The following DCC variants were observed in gnomAD, a reference collection of about 807,000 sequenced individuals.
The protein encoded by DCC is netrin receptor DCC.
DCC carries 58 observed loss-of-function variants against 172.5 expected under a neutral mutation model. That is an observed-to-expected ratio of 0.34 (90% CI 0.27 to 0.42). The LOEUF is 0.42. Among genes scored for constraint, DCC ranks in the 10% least tolerant of loss-of-function variants. The pLI, the probability that DCC is intolerant of heterozygous loss-of-function variation, is 1.00. For missense variants in DCC, 1,740 were observed against 1,791.0 expected, an observed-to-expected ratio of 0.97 and a Z score of 0.51; for synonymous variants, 709 against 644.5, an observed-to-expected ratio of 1.10 and a Z score of -1.52.
At chr18:52,929,786 A>G (rs1035206383) in intron 5 of DCC, among the ~76,000 whole-genome samples, 1 of 151,588 alleles carries the variant, frequency 6.6e-6, no homozygotes, top group African/African-American at 2.4e-5. Flanking sequence ...TTATGCTAAC[A>G]TACACATAAT....
At position 52,752,085 on chromosome 18, in the gene DCC, C is replaced by T; in HGVS notation, c.123C>T (p.Arg41=). The change falls in exon 2 of 29, where the codon CGC becomes CGT. Residue 41 remains arginine (R), a synonymous_variant. Transcript: ENST00000442544. ...AAATTAAAGCTTTCACAGCACTGCGCTTCCTCTCAGAACCTTCTGATGCCG... is the reference window on the plus strand; with the variant it reads ...AAATTAAAGCTTTCACAGCACTGCGTTTCCTCTCAGAACCTTCTGATGCCG... ...GFQIKAFTAL[R]FLSEPSDAVT... 6.2e-7 allele frequency: 1 copy of T among 1,614,164 alleles called. No homozygotes were observed. Among genetic ancestry groups the T allele is most frequent in the African/African-American group, 1.3e-5 (1 of 75,044 alleles).
At chr18:53,379,468 C>G (rs1907555399) in intron 15 of DCC, among the ~76,000 whole-genome samples, 1 of 152,208 alleles carries the variant, frequency 6.6e-6, no homozygotes, top group Non-Finnish European at 1.5e-5. Context: ...TGGTCTAGCC[C>G]TGAAGAGCTG....
chr18:53,003,557 T>C (rs1335094256), intron 5 of DCC, among the ~76,000 whole-genome samples: 2 of 152,138 alleles, frequency 1.3e-5, no homozygotes, highest in African/African-American at 2.4e-5. Flanking sequence ...TGCTTGGAGA[T>C]GGTCCCCTTT....
chr18:53,201,022 G>T (rs2144537668), intron 9 of DCC, among the ~76,000 whole-genome samples: 1 of 152,098 alleles, frequency 6.6e-6, no homozygotes, highest in African/African-American at 2.4e-5. Flanking sequence ...CTTCTCCTTT[G>T]CCCCTTGAAA....
At chr18:53,313,386 C>T (rs1220184496) in intron 13 of DCC, among the ~76,000 whole-genome samples, 1 of 152,098 alleles carries the variant, frequency 6.6e-6, no homozygotes, top group Non-Finnish European at 1.5e-5. Flanking sequence ...GCTGGGATTA[C>T]AGACGTGCGT....
chr18:53,447,375 T>C (rs1912679644), intron 22 of DCC, among the ~76,000 whole-genome samples: 1 of 152,176 alleles, frequency 6.6e-6, no homozygotes, highest in Admixed American at 6.5e-5. Flanking sequence ...GTGGGAACTT[T>C]TATGAGGAAG....
chr18:52,583,858 A>C (rs1174011160), intron 1 of DCC, among the ~76,000 whole-genome samples: 1 of 152,202 alleles, frequency 6.6e-6, no homozygotes, highest in Non-Finnish European at 1.5e-5. Context: ...TTATATAGCA[A>C]TGTCCCATTT....
intron 1 of DCC, among the ~76,000 whole-genome samples, chr18:52,385,272 T>TTTTA (rs1345553123): frequency 1.3e-5 from 2 of 152,182 alleles, no homozygotes; most frequent in African/African-American, 4.8e-5. Flanking sequence ...ACATTTTTAT[T>TTTTA]TTTATTTATT....
At chr18:53,095,580 C>A (rs527878411) in intron 7 of DCC, among the ~76,000 whole-genome samples, 2 of 152,236 alleles carry the variant, frequency 1.3e-5, no homozygotes, top group Admixed American at 1.3e-4. Flanking sequence ...TGGCTCATGG[C>A]CCCTTCCTTA....
At chr18:52,947,988 T>C (rs2040575402) in intron 5 of DCC, among the ~76,000 whole-genome samples, 1 of 152,148 alleles carries the variant, frequency 6.6e-6, no homozygotes. Context: ...TAGAAAGGCA[T>C]CTAACCATTT....
At chr18:52,917,074 A>T (rs2040051820) in intron 3 of DCC, among the ~76,000 whole-genome samples, 1 of 147,832 alleles carries the variant, frequency 6.8e-6, no homozygotes. Context: ...CTTGAGCTCA[A>T]GAGTTTGAGA....
chr18:53,140,670 G>C (rs2043816747), intron 7 of DCC, among the ~76,000 whole-genome samples: 1 of 152,084 alleles, frequency 6.6e-6, no homozygotes, highest in Admixed American at 6.6e-5. Flanking sequence ...AGGGAAACTA[G>C]TAATCAAGAG....
Position 52,726,864 on chromosome 18 carries a change from G to A in DCC, c.92-25190G>A, listed in dbSNP as rs1599052019. Among the ~76,000 whole-genome samples the A allele has an allele frequency of 2.0e-5, 3 of 152,180 alleles. 1 individual carries two copies. In the South Asian group the frequency reaches 6.2e-4, roughly 32 times the overall value. On this transcript the variant is annotated intron_variant, in intron 1 of 28. Transcript: ENST00000442544. ...ATGTATAAGCTATTCTACATAGTGA[G>A]TAGCAGATTTAGAAATGACTCAATA...
intron 2 of DCC, among the ~76,000 whole-genome samples, chr18:52,804,637 G>T (rs1310984220): frequency 1.3e-5 from 2 of 152,142 alleles, no homozygotes; most frequent in African/African-American, 2.4e-5. Context: ...TGCGATCTCC[G>T]CTTACTGCAA....
At position 52,491,905 on chromosome 18, in the gene DCC, C is replaced by T. The variant is rs574057022; in HGVS notation, c.91+151027C>T. 1.4e-4 allele frequency among the ~76,000 whole-genome samples: 21 copies of T among 151,804 alleles called. No homozygotes were observed. The South Asian group carries it at 2.9e-3, about 21-fold the overall frequency. ...CATAGGTGATGATTCCTGTCTGGAG[C>T]GCAGAGGAGTGGTCTTCTAGGGGTG... On this transcript the variant is annotated intron_variant, in intron 1 of 28. Coordinates refer to ENST00000442544, the MANE Select transcript of DCC (RefSeq NM_005215.4).
chr18:52,624,724 C>G (rs2034541529), intron 1 of DCC, among the ~76,000 whole-genome samples: 2 of 152,206 alleles, frequency 1.3e-5, no homozygotes, highest in Admixed American at 1.3e-4. Flanking sequence ...AAACATATAT[C>G]TGTTGCACTT....
rs187616637 is a variant in DCC, at chr18:53,495,422, C to A, written c.3899-3876C>A. 1.4e-3 allele frequency among the ~76,000 whole-genome samples: 205 copies of A among 149,864 alleles called. 1 individual carries two copies. The highest frequency in any genetic ancestry group is 4.8e-3 in the African/African-American group (195 of 40,898). On this transcript the variant is annotated intron_variant, in intron 26 of 28. Transcript: ENST00000442544. ...AAAAAAAAAAGAAAGAAAGAAAATT[C>A]TTTAAGAATGTTGAATATTGGCCCC...
At chr18:53,460,423 C>T (rs2045542955) in intron 24 of DCC, among the ~76,000 whole-genome samples, 1 of 90,798 alleles carries the variant, frequency 1.1e-5, no homozygotes, top group African/African-American at 3.9e-5. Context: ...CAGTGCTATC[C>T]CTCCCCCCTC....
intron 1 of DCC, among the ~76,000 whole-genome samples, chr18:52,745,843 C>T (rs553575873): frequency 6.6e-5 from 10 of 152,278 alleles, no homozygotes; most frequent in African/African-American, 2.2e-4. Flanking sequence ...TAACATTGTG[C>T]GTTTTCAGCA....
Sources: allele counts gnomAD v4.1 joint callset (sites outside exome capture counted in the v4.1 genomes callset), GRCh38; gene constraint gnomAD v4.1.1; transcripts MANE v1.5; gene names NCBI Gene and HGNC (gene_info 2026-07-23, HGNC 2026-07-21).